The following ERBB4 variants were observed in gnomAD, a reference collection of about 807,000 sequenced individuals.
The protein encoded by ERBB4 is erb-b2 receptor tyrosine kinase 4.
In ERBB4, 42 loss-of-function variants were observed where a neutral mutation model predicts 158.0. The observed-to-expected ratio is 0.27, with a 90% CI of 0.21 to 0.34. The LOEUF is 0.34. Among genes scored for constraint, ERBB4 ranks in the 10% least tolerant of loss-of-function variants. The pLI, the probability that ERBB4 is intolerant of heterozygous loss-of-function variation, is 1.00. For missense variants in ERBB4, 1,333 were observed against 1,624.1 expected (o/e 0.82, Z 3.08); for synonymous variants, 583 against 558.7 (o/e 1.04, Z -0.61).
At chr2:212,412,788 C>T (rs1199131380) in intron 1 of ERBB4, among the ~76,000 whole-genome samples, 2 of 152,110 alleles carry the variant, frequency 1.3e-5, no homozygotes, top group Non-Finnish European at 2.9e-5. Flanking sequence ...TGAGGACACT[C>T]TTGTCTCACA....
intron 2 of ERBB4, among the ~76,000 whole-genome samples, chr2:212,032,240 T>C (rs142601303): frequency 5.8e-4 from 88 of 152,198 alleles, no homozygotes; most frequent in African/African-American, 2.1e-3. Context: ...AGTGACACTG[T>C]AGATCTGTGT....
chr2:212,197,541 G>T lies in ERBB4; in HGVS notation c.83-72638C>A, dbSNP rs146176591. Among the ~76,000 whole-genome samples the T allele has an allele frequency of 4.6e-3, 706 of 152,146 alleles. 2 individuals carry two copies. The highest frequency in any genetic ancestry group is 0.016 in the African/African-American group (656 of 41,528). Reference sequence around the variant, plus strand: ...TATCTTGCTCAAAATTATTTGGCTCGTACCATAAATACAGAACTATGTTAT... The same window carrying T: ...TATCTTGCTCAAAATTATTTGGCTCTTACCATAAATACAGAACTATGTTAT... On this transcript the variant is annotated intron_variant, in intron 1 of 27. Transcript: ENST00000342788.
intron 2 of ERBB4, among the ~76,000 whole-genome samples, chr2:212,035,154 G>A (rs2076985073): frequency 6.6e-6 from 1 of 152,126 alleles, no homozygotes; most frequent in Admixed American, 6.5e-5. Context: ...TAAAATTCAA[G>A]CCTGTGTTAA....
chr2:211,544,088 G>GT (rs2066881723), intron 20 of ERBB4, among the ~76,000 whole-genome samples: 2 of 151,962 alleles, frequency 1.3e-5, no homozygotes, highest in Admixed American at 1.3e-4. Context: ...ATACTTGTAT[G>GT]TTCTCAGATG....
At chr2:212,499,582 C>A (rs1231290392) in intron 1 of ERBB4, among the ~76,000 whole-genome samples, 1 of 151,944 alleles carries the variant, frequency 6.6e-6, no homozygotes, top group African/African-American at 2.4e-5. Flanking sequence ...GGAATGATAG[C>A]CCAAATGGAG....
intron 2 of ERBB4, among the ~76,000 whole-genome samples, chr2:212,005,442 T>C (rs1205651866): frequency 1.3e-5 from 2 of 152,082 alleles, no homozygotes; most frequent in Non-Finnish European, 2.9e-5. Context: ...AGAAAGGAAA[T>C]TACAATATGA....
intron 1 of ERBB4, among the ~76,000 whole-genome samples, chr2:212,322,704 C>A (rs1363584732): frequency 6.7e-6 from 1 of 150,212 alleles, no homozygotes; most frequent in African/African-American, 2.4e-5. Context: ...AGCCAGTAAT[C>A]AGAGAAGTGG....
intron 2 of ERBB4, among the ~76,000 whole-genome samples, chr2:211,952,269 G>A (rs1484305916): frequency 2.0e-5 from 3 of 152,014 alleles, no homozygotes; most frequent in Admixed American, 6.6e-5. Context: ...TGCAGATCAT[G>A]AGCCATGTGT....
Position 211,788,116 on chromosome 2 carries a change from A to G in ERBB4, c.465T>C (p.Leu155=), listed in dbSNP as rs907104325. The G allele has an allele frequency of 2.5e-6, 4 of 1,612,730 alleles. No individual in the cohort carries two copies. In the African/African-American group the frequency reaches 4.0e-5, roughly 16 times the overall value. Residue 155 remains leucine (L), a synonymous_variant, in exon 4 of 28, where the codon CTT becomes CTC. Transcript: ENST00000342788. ...GGVYVDQNKF[L]CYADTIHWQD... ...GCCAATGAATGGTGTCTGCATAACA[A>G]AGGAATTTGTTCTGGTCTACATAGA...
intron 1 of ERBB4, among the ~76,000 whole-genome samples, chr2:212,469,575 C>G (rs954245620): frequency 6.6e-6 from 1 of 152,118 alleles, no homozygotes; most frequent in African/African-American, 2.4e-5. Context: ...GTATGCTTAG[C>G]ACCATAAAAA....
intron 2 of ERBB4, among the ~76,000 whole-genome samples, chr2:212,070,089 T>C (rs922444322): frequency 2.0e-5 from 3 of 152,020 alleles, no homozygotes; most frequent in South Asian, 2.1e-4. Flanking sequence ...CACTGTACTC[T>C]AGCCTGGCTG....
chr2:211,599,513 C>CTGTGTGGGTGTGTGTGTG (rs1553585410), intron 19 of ERBB4, among the ~76,000 whole-genome samples: 7 of 140,804 alleles, frequency 5.0e-5, no homozygotes, highest in African/African-American at 1.8e-4. Context: ...ATAATTTCTT[C>CTGTGTGGGTGTGTGTGTG]TGTGTGTGTG....
chr2:211,710,355 T>TA lies in ERBB4; in HGVS notation c.1124+1694dup, dbSNP rs2073648902. Among the ~76,000 whole-genome samples, 3 of 152,196 alleles carry TA rather than the reference T, an allele frequency of 2.0e-5. 1 individual carries two copies. The South Asian group carries it at 6.2e-4, about 31-fold the overall frequency. ...AGACATTATTAGCATAATATAATCTTACATTCATGTGGTATTTGGTTTTAA... is the reference window on the plus strand; with the variant it reads ...AGACATTATTAGCATAATATAATCTTAACATTCATGTGGTATTTGGTTTTAA... On this transcript the variant is annotated intron_variant, in intron 9 of 27. Coordinates refer to ENST00000342788, the MANE Select transcript of ERBB4 (RefSeq NM_005235.3).
At chr2:211,509,450 A>G (rs2065835709) in intron 20 of ERBB4, among the ~76,000 whole-genome samples, 3 of 152,146 alleles carry the variant, frequency 2.0e-5, no homozygotes, top group Non-Finnish European at 2.9e-5. Flanking sequence ...GTAACTCAAG[A>G]TGGATTAAAA....
chr2:211,764,863 G>A (rs1057171904), intron 4 of ERBB4, among the ~76,000 whole-genome samples: 3 of 152,144 alleles, frequency 2.0e-5, no homozygotes, highest in Admixed American at 6.5e-5. Flanking sequence ...ACGGATTTTA[G>A]GAGGACAGGA....
At chr2:212,006,348 T>G (rs2076259815) in intron 2 of ERBB4, among the ~76,000 whole-genome samples, 1 of 152,146 alleles carries the variant, frequency 6.6e-6, no homozygotes, top group African/African-American at 2.4e-5. Flanking sequence ...CAAAGACCTT[T>G]TTAATAAAGA....
chr2:211,939,122 T>C (rs1201069381), intron 3 of ERBB4, among the ~76,000 whole-genome samples: 1 of 152,192 alleles, frequency 6.6e-6, no homozygotes, highest in Non-Finnish European at 1.5e-5. Context: ...AACAAATTCT[T>C]TCTAAAATAC....
At position 212,403,777 on chromosome 2, in the gene ERBB4, T is replaced by C. The variant is rs116720124; in HGVS notation, c.82+134672A>G. ...ATCGACAGGTACAAAGTTTCATTTA[T>C]GGAAGATGAATAAATTCTAAAGTTA... On this transcript the variant is annotated intron_variant, in intron 1 of 27. Transcript: ENST00000342788. Among the ~76,000 whole-genome samples, 738 of 152,170 alleles carry C rather than the reference T, an allele frequency of 4.8e-3. 3 individuals are homozygous for C. The highest frequency in any genetic ancestry group is 0.017 in the African/African-American group (696 of 41,564).
Position 212,396,881 on chromosome 2 carries a change from C to T in ERBB4, c.82+141568G>A, listed in dbSNP as rs1239055277. Among the ~76,000 whole-genome samples, 3 of 151,914 alleles carry T rather than the reference C, an allele frequency of 2.0e-5. No homozygotes were observed. The East Asian group carries it at 5.8e-4, about 29-fold the overall frequency. On this transcript the variant is annotated intron_variant, in intron 1 of 27. Coordinates refer to ENST00000342788, the MANE Select transcript of ERBB4 (RefSeq NM_005235.3). ...TTCAAAGTTTTCATCATAATAACCT[C>T]CTACATTTTAAACAAATAAGAATGT...
Sources: allele counts gnomAD v4.1 joint callset (sites outside exome capture counted in the v4.1 genomes callset), GRCh38; gene constraint gnomAD v4.1.1; transcripts MANE v1.5; gene names NCBI Gene and HGNC (gene_info 2026-07-23, HGNC 2026-07-21).